MYH10: variants seen among roughly 807,000 people sequenced by gnomAD.
MYH10 encodes the protein myosin-10.
A neutral mutation model predicts 257.8 loss-of-function variants in MYH10; 55 were observed. That is an observed-to-expected ratio of 0.21 (90% CI 0.17 to 0.27). The LOEUF (loss-of-function observed/expected upper bound fraction) is 0.27. MYH10 is among the 10% of genes least tolerant of loss of function. MYH10 has a pLI of 1.00. For missense variants in MYH10, 1,631 were observed against 2,500.6 expected (o/e 0.65, Z 7.42); for synonymous variants, 854 against 921.7 (o/e 0.93, Z 1.33).
At chr17:8,584,354 C>T (rs1374872065) in intron 4 of MYH10, among the ~76,000 whole-genome samples, 2 of 152,122 alleles carry the variant, frequency 1.3e-5, no homozygotes, top group African/African-American at 4.8e-5. Context: ...GATGCTGAGG[C>T]AAAATTAATA....
chr17:8,609,036 C>A (rs2084924016), intron 2 of MYH10, among the ~76,000 whole-genome samples: 1 of 152,170 alleles, frequency 6.6e-6, no homozygotes, highest in Non-Finnish European at 1.5e-5. Flanking sequence ...TGGCCTCGAT[C>A]CCCTGACCTC....
rs371278390 is a variant in MYH10 at position 8,493,726 on chromosome 17, C to T, written c.4209+7G>A. On this transcript the variant is annotated splice_region_variant and intron_variant, in intron 32 of 42. Transcript: ENST00000360416. ...GGCCACCGCGGCCTCCTAAAGAGGA[C>T]GCACACCTGGGACTGCAGGGCCAGC... 1.9e-5 allele frequency: 30 copies of T among 1,611,138 alleles called. 1 individual carries two copies. In the Admixed American group the frequency reaches 2.2e-4, roughly 12 times the overall value.
intron 7 of MYH10, among the ~76,000 whole-genome samples, chr17:8,558,592 C>T (rs1351798746): frequency 2.0e-5 from 3 of 151,930 alleles, no homozygotes; most frequent in Non-Finnish European, 4.4e-5. Flanking sequence ...GTAACATCTA[C>T]TATGTTGAAG....
chr17:8,623,369 A>C, intron 1 of MYH10, 92 bp from the exon 2 acceptor site: 1 of 1,265,502 alleles, frequency 7.9e-7, no homozygotes. Flanking sequence ...ACCTTAGATT[A>C]AGCATTAACT....
intron 6 of MYH10, among the ~76,000 whole-genome samples, chr17:8,572,950 G>T (rs1363726655): frequency 6.6e-6 from 1 of 152,182 alleles, no homozygotes; most frequent in Non-Finnish European, 1.5e-5. Context: ...AATTATGAAG[G>T]CATTTGTAAA....
rs113118104 is a variant in MYH10 at position 8,490,083 on chromosome 17, G to C, written c.4884+257C>G. 6.6e-6 allele frequency among the ~76,000 whole-genome samples: 1 copy of C among 152,254 alleles called. No homozygotes were observed. Among genetic ancestry groups the C allele is most frequent in the Non-Finnish European group, 1.5e-5 (1 of 68,036 alleles). ...TGAACCTAACCACGGATTCCTTTGG[G>C]AGTCCACTGAGGGCTTTCTGACTGA... On this transcript the variant is annotated intron_variant, in intron 35 of 42. Transcript: ENST00000360416. The surrounding 1 kb of genome is among the most constrained non-coding windows in gnomAD (Gnocchi z 4.1).
rs1171400467 is a variant in MYH10 at position 8,516,187 on chromosome 17, A to G, written c.2505-2293T>C. ...CATGAGGGAGCTGTGACATCAACCT[A>G]TCTCCGAGTGTTTGGAAAGTGGACT... On this transcript the variant is annotated intron_variant, in intron 21 of 42. Coordinates refer to ENST00000360416, the MANE Select transcript of MYH10 (RefSeq NM_001256012.3). Among the ~76,000 whole-genome samples the G allele has an allele frequency of 3.9e-5, 6 of 152,214 alleles. No individual in the cohort carries two copies. The East Asian group carries it at 1.2e-3, about 29-fold the overall frequency.
At chr17:8,604,729 T>A in intron 3 of MYH10, 97 bp downstream of exon 3, 1 of 941,228 alleles carries the variant, frequency 1.1e-6, no homozygotes, top group Non-Finnish European at 1.4e-6. Flanking sequence ...TTTAAAAAAA[T>A]AAAATTTAAC....
At chr17:8,517,009 C>T (rs1217212247) in intron 21 of MYH10, among the ~76,000 whole-genome samples, 1 of 151,862 alleles carries the variant, frequency 6.6e-6, no homozygotes, top group Non-Finnish European at 1.5e-5. Flanking sequence ...GGTGTGGTGG[C>T]GGGCGCCTGT....
chr17:8,506,290 C>A lies in MYH10; in HGVS notation c.3386+28G>T. 6.5e-7 allele frequency: 1 copy of A among 1,547,264 alleles called. No homozygotes were observed. Among genetic ancestry groups the A allele is most frequent in the Non-Finnish European group, 8.7e-7 (1 of 1,156,048 alleles). ...GCTGAAACTCAGCCCCATGGGCTCCCGTGCAGCGCAGCTGCTGGGCTGCAG... is the reference window on the plus strand; with the variant it reads ...GCTGAAACTCAGCCCCATGGGCTCCAGTGCAGCGCAGCTGCTGGGCTGCAG... On this transcript the variant is annotated intron_variant, in intron 27 of 42. Transcript: ENST00000360416. This position sits in a 1 kb window ranked among gnomAD's most constrained non-coding sequence, Gnocchi z 5.0.
At chr17:8,530,919 G>A (rs1226866747) in intron 16 of MYH10, among the ~76,000 whole-genome samples, 1 of 152,198 alleles carries the variant, frequency 6.6e-6, no homozygotes, top group Non-Finnish European at 1.5e-5. Flanking sequence ...CTCCCGGTGT[G>A]AGCATTATAT....
intron 28 of MYH10, among the ~76,000 whole-genome samples, chr17:8,503,197 C>G (rs982810593): frequency 6.6e-6 from 1 of 152,136 alleles, no homozygotes; most frequent in African/African-American, 2.4e-5. Context: ...GCAGGAAAAT[C>G]GTTTGAACCC....
At chr17:8,508,248 G>C (rs1183293935) in intron 26 of MYH10, among the ~76,000 whole-genome samples, 1 of 151,972 alleles carries the variant, frequency 6.6e-6, no homozygotes, top group Non-Finnish European at 1.5e-5. Flanking sequence ...GACTATAGAT[G>C]TGCACCACTA....
intron 9 of MYH10, among the ~76,000 whole-genome samples, chr17:8,550,628 G>T (rs1228923237): frequency 2.0e-5 from 3 of 151,898 alleles, no homozygotes; most frequent in Admixed American, 2.0e-4. Flanking sequence ...CCACCACCCC[G>T]TCTGGGAGGT....
intron 36 of MYH10, among the ~76,000 whole-genome samples, chr17:8,486,204 T>C (rs767328379): frequency 2.6e-5 from 4 of 152,140 alleles, no homozygotes; most frequent in Non-Finnish European, 4.4e-5. Flanking sequence ...TGACAGCTAA[T>C]GGGTGGAGGA....
intron 7 of MYH10, among the ~76,000 whole-genome samples, chr17:8,563,908 GA>G (rs2083080218): frequency 1.4e-5 from 2 of 147,134 alleles, no homozygotes; most frequent in South Asian, 4.3e-4. Context: ...AAAAAAAAAA[GA>G]GAGAGAGAAA....
intron 4 of MYH10, among the ~76,000 whole-genome samples, chr17:8,577,783 T>G (rs1463085743): frequency 6.6e-6 from 1 of 152,156 alleles, no homozygotes; most frequent in Non-Finnish European, 1.5e-5. Flanking sequence ...CTGCTCACCT[T>G]GGCCTTTTAA....
chr17:8,542,191 C>T lies in MYH10; in HGVS notation c.1521G>A (p.Glu507=). ...ACTCGATGCCTTCGCGCTGGTATTC[C>T]TCTTGTTCTAGGATAAACATGGTGT... is the stretch of plus-strand genomic sequence containing the variant. ...FNHTMFILEQ[E]EYQREGIEWN... The change falls in exon 14 of 43, where the codon GAG becomes GAA. Residue 507 remains glutamate (E), a synonymous_variant. Coordinates refer to ENST00000360416, the MANE Select transcript of MYH10 (RefSeq NM_001256012.3). 1 of 1,614,160 alleles carries T rather than the reference C, an allele frequency of 6.2e-7. No homozygotes were observed.
rs2082423275 is a variant in MYH10, at chr17:8,545,727, G to C, written c.1279-127C>G. 1.6e-5 allele frequency: 14 copies of C among 875,928 alleles called. No homozygotes were observed. Among genetic ancestry groups the C allele is most frequent in the Non-Finnish European group, 2.4e-5 (14 of 585,532 alleles). The allele number at this position is 875,928 out of a possible 1,614,324, so 54.3% of individuals were successfully genotyped here. A position where few individuals can be genotyped will look rare whatever the true frequency, so the allele number is the denominator to read the frequency against. On this transcript the variant is annotated intron_variant, in intron 12 of 42. Transcript: ENST00000360416. The surrounding 1 kb of genome is among the most constrained non-coding windows in gnomAD (Gnocchi z 4.7). ...GAGATGGCATTCACTGCTTAATCAT[G>C]TCTCAATTTTACACATCAATAGAAG...
Sources: gnomAD v4.1 joint callset for allele counts (sites outside exome capture counted in the v4.1 genomes callset) on GRCh38, gnomAD v4.1.1 for gene constraint, Gnocchi (gnomAD v3.1) non-coding constraint, MANE v1.5 for transcripts, NCBI Gene and HGNC (gene_info 2026-07-23, HGNC 2026-07-21) for gene names.